Variants in STK10 observed in about 807,000 individuals in gnomAD.
STK10 encodes the protein serine/threonine kinase 10.
A neutral mutation model predicts 113.8 loss-of-function variants in STK10; 78 were observed. That is an observed-to-expected ratio of 0.69 (90% CI 0.57 to 0.83). The LOEUF (loss-of-function observed/expected upper bound fraction) is 0.83. Among genes scored for constraint, STK10 ranks in the 40% least tolerant of loss-of-function variants. The pLI, the probability that STK10 is intolerant of heterozygous loss-of-function variation, is 0.00. For missense variants in STK10, 1,109 were observed against 1,280.1 expected (o/e 0.87, Z 2.04); for synonymous variants, 465 against 494.7 (o/e 0.94, Z 0.80).
chr5:172,098,458 G>A lies in STK10; in HGVS notation c.871-1898C>T, dbSNP rs565623894. 4.6e-5 allele frequency among the ~76,000 whole-genome samples: 7 copies of A among 152,262 alleles called. No individual in the cohort carries two copies. The South Asian group carries it at 1.0e-3, about 23-fold the overall frequency. ...TGAGACTGGACTGAGCTTGTTGGGC[G>A]GCAGGAGCCATGAGACGGGCAGGAT... On this transcript the variant is annotated intron_variant, in intron 7 of 18. Coordinates refer to ENST00000176763, the MANE Select transcript of STK10 (RefSeq NM_005990.4).
rs113818427 is a variant in STK10 at position 172,187,852 on chromosome 5, G to C, written c.156+35C>G. On this transcript the variant is annotated intron_variant, in intron 1 of 18. Coordinates refer to ENST00000176763, the MANE Select transcript of STK10 (RefSeq NM_005990.4). This position sits in a 1 kb window ranked among gnomAD's most constrained non-coding sequence, Gnocchi z 4.6. The stretch of plus-strand genomic sequence containing the variant: ...GCATCCCTTCCTTCCGGAGCCCCTC[G>C]ACGCGCGTCCGGCCACCCACCTCAG... 3.4e-5 allele frequency: 54 copies of C among 1,606,592 alleles called. No individual in the cohort carries two copies. The East Asian group carries it at 5.6e-4, about 17-fold the overall frequency.
chr5:172,173,232 T>C (rs1770693928), intron 1 of STK10, among the ~76,000 whole-genome samples: 2 of 152,124 alleles, frequency 1.3e-5, no homozygotes, highest in Admixed American at 1.3e-4. Context: ...GAAGGGGTCT[T>C]GAGAGGGAGC....
chr5:172,057,362 C>T lies in STK10; in HGVS notation c.2324G>A (p.Arg775His), dbSNP rs776657221. 3.8e-5 allele frequency: 60 copies of T among 1,574,630 alleles called. No homozygotes were observed. The highest frequency in any genetic ancestry group is 1.5e-4 in the African/African-American group (11 of 74,018). Reference sequence around the variant, plus strand: ...CGGCAGCCTCACCTTCTCATGCTTGCGCAGCAGCTCGTGCCGCTGGAGGAA... The same window carrying T: ...CGGCAGCCTCACCTTCTCATGCTTGTGCAGCAGCTCGTGCCGCTGGAGGAA... ...QYFLQRHELLRKHEKEREQMQ... is the reference protein window; with the variant it reads ...QYFLQRHELLHKHEKEREQMQ... Residue 775 changes from arginine (R) to histidine (H), a missense_variant, in exon 15 of 19, where the codon CGC becomes CAC. Arg to His is a conservative substitution (Grantham distance 29). Coordinates refer to ENST00000176763, the MANE Select transcript of STK10 (RefSeq NM_005990.4).
chr5:172,180,965 G>C (rs1011039934), intron 1 of STK10, among the ~76,000 whole-genome samples: 1 of 152,200 alleles, frequency 6.6e-6, no homozygotes, highest in Non-Finnish European at 1.5e-5. Flanking sequence ...GTCGTATTTG[G>C]TTACATATAG....
intron 9 of STK10, among the ~76,000 whole-genome samples, chr5:172,091,040 T>G (rs1480736261): frequency 4.1e-5 from 6 of 146,726 alleles, no homozygotes; most frequent in Non-Finnish European, 7.5e-5. Context: ...TGTCTGAGCC[T>G]CAGCTTCCTC....
intron 10 of STK10, among the ~76,000 whole-genome samples, chr5:172,085,225 AAC>A (rs1304315263): frequency 6.6e-6 from 1 of 151,534 alleles, no homozygotes; most frequent in African/African-American, 2.4e-5. Flanking sequence ...CAGCCTGGGC[AAC>A]AGAGCAAGAT....
intron 13 of STK10, 49 bp from the exon 14 acceptor site, chr5:172,061,317 C>A (rs1374119316): frequency 6.4e-7 from 1 of 1,555,382 alleles, no homozygotes; most frequent in Non-Finnish European, 8.6e-7. Flanking sequence ...GGCTTGGGCA[C>A]CTCCATGTCT....
At chr5:172,165,659 C>T (rs1212201414) in intron 1 of STK10, among the ~76,000 whole-genome samples, 1 of 152,194 alleles carries the variant, frequency 6.6e-6, no homozygotes, top group Non-Finnish European at 1.5e-5. Flanking sequence ...CCCAGCTAAT[C>T]AGAGGACTGA....
intron 18 of STK10, among the ~76,000 whole-genome samples, chr5:172,050,623 T>C (rs1014112295): frequency 2.6e-5 from 4 of 152,110 alleles, no homozygotes; most frequent in African/African-American, 9.7e-5. Context: ...CTAAGGATAT[T>C]TACTGCCAAT....
At chr5:172,141,006 C>T (rs1278363389) in intron 2 of STK10, among the ~76,000 whole-genome samples, 1 of 152,088 alleles carries the variant, frequency 6.6e-6, no homozygotes, top group East Asian at 1.9e-4. Flanking sequence ...TGGAATAAGC[C>T]AGTCACGGAA....
At chr5:172,062,525 A>AAC (rs151107888) in intron 13 of STK10, among the ~76,000 whole-genome samples, 21,898 of 152,218 alleles carry the variant, frequency 0.14, 2,320 homozygotes, top group African/African-American at 0.3. Flanking sequence ...TAAATGGATA[A>AAC]ATCATGTGTT....
At position 172,117,536 on chromosome 5, in the gene STK10, G is replaced by C. The variant is rs1179266448; in HGVS notation, c.465C>G (p.His155Gln). 1 of 1,613,642 alleles carries C rather than the reference G, an allele frequency of 6.2e-7. No individual in the cohort carries two copies. Among genetic ancestry groups the C allele is most frequent in the East Asian group, 2.2e-5 (1 of 44,852 alleles). ...GCACGTTGCCAGCTTTCAGATCTCG[G>C]TGGATGATCCTCTTGCTGTGCAGGA... is the stretch of plus-strand genomic sequence containing the variant. ...LNFLHSKRII[H>Q]RDLKAGNVLM... The change falls in exon 4 of 19, where the codon CAC becomes CAG. Residue 155 changes from histidine to glutamine, a missense_variant. This residue lies in a region of STK10 where 44 missense variants were observed against 84.4 expected (regional missense o/e 0.52). Coordinates refer to ENST00000176763, the MANE Select transcript of STK10 (RefSeq NM_005990.4).
intron 12 of STK10, among the ~76,000 whole-genome samples, chr5:172,076,218 C>T (rs1236275474): frequency 2.3e-5 from 1 of 43,628 alleles, no homozygotes. Flanking sequence ...GTTGTGGGGG[C>T]GTCCTGTGCA....
At chr5:172,054,829 T>C (rs1251684657) in intron 16 of STK10, 135 bp from the exon 17 acceptor site, 19 of 1,288,788 alleles carry the variant, frequency 1.5e-5, no homozygotes, top group Non-Finnish European at 2.0e-5. Flanking sequence ...CAGCACCACC[T>C]CAGGCTGTGC....
intron 14 of STK10, among the ~76,000 whole-genome samples, chr5:172,057,987 A>G (rs1041069108): frequency 5.9e-5 from 9 of 152,164 alleles, no homozygotes; most frequent in Non-Finnish European, 1.2e-4. Context: ...TCCTTTGAAA[A>G]ATGGGTGAGA....
intron 18 of STK10, among the ~76,000 whole-genome samples, chr5:172,052,514 G>C (rs1197271820): frequency 6.6e-6 from 1 of 152,210 alleles, no homozygotes; most frequent in African/African-American, 2.4e-5. Context: ...TGCTAAGTGT[G>C]TGGCAGTTCA....
chr5:172,054,810 C>T (rs1221047886), intron 16 of STK10, 116 bp from the exon 17 acceptor site: 1 of 1,399,000 alleles, frequency 7.1e-7, no homozygotes, highest in South Asian at 1.3e-5. Flanking sequence ...TGTGCACAGC[C>T]CCAGTACCCA....
chr5:172,153,627 T>A (rs1394148011), intron 2 of STK10, among the ~76,000 whole-genome samples: 2 of 152,224 alleles, frequency 1.3e-5, no homozygotes, highest in South Asian at 2.1e-4. Flanking sequence ...CCAAAGTCCC[T>A]GAGAGCAGAC....
intron 1 of STK10, among the ~76,000 whole-genome samples, chr5:172,161,464 AT>A (rs1770471124): frequency 1.3e-5 from 2 of 152,114 alleles, no homozygotes; most frequent in African/African-American, 2.4e-5. Flanking sequence ...AAAAAAAAAA[AT>A]AAAAAAATAC....
Sources: gnomAD v4.1 joint callset for allele counts (sites outside exome capture counted in the v4.1 genomes callset) on GRCh38, gnomAD v4.1.1 for gene constraint, gnomAD v4.1.1 regional missense constraint, Gnocchi (gnomAD v3.1) non-coding constraint, MANE v1.5 for transcripts, NCBI Gene and HGNC (gene_info 2026-07-23, HGNC 2026-07-21) for gene names.